MACROD2: variants seen among roughly 807,000 people sequenced by gnomAD.
MACROD2 encodes ADP-ribose glycohydrolase MACROD2.
MACROD2 carries 36 observed loss-of-function variants against 70.4 expected under a neutral mutation model. The ratio of observed to expected loss-of-function variants is 0.51; its 90% confidence interval spans 0.39 to 0.68. The LOEUF (loss-of-function observed/expected upper bound fraction) is 0.68. MACROD2 is among the 30% of genes least tolerant of loss of function. The pLI is 0.00. For synonymous variants in MACROD2, 172 were observed against 178.8 expected (o/e 0.96, Z 0.30); for missense variants, 496 against 538.4 (o/e 0.92, Z 0.78).
chr20:14,080,424 CAG>C (rs1202458908), intron 2 of MACROD2, among the ~76,000 whole-genome samples: 1 of 93,562 alleles, frequency 1.1e-5, no homozygotes, highest in African/African-American at 4.4e-5. Context: ...GCCTGGGCAA[CAG>C]AGTGAAACCC....
At position 15,863,803 on chromosome 20, in the gene MACROD2, T is replaced by C. The variant is rs527563435; in HGVS notation, c.727+977T>C. ...GCCTTGCCTGTAGATCAGAGTAGGATGTGTTCTATCCAGAACAGCTGTAGA... is the reference window on the plus strand; with the variant it reads ...GCCTTGCCTGTAGATCAGAGTAGGACGTGTTCTATCCAGAACAGCTGTAGA... On this transcript the variant is annotated intron_variant, in intron 9 of 17. Coordinates refer to ENST00000684519, the MANE Select transcript of MACROD2 (RefSeq NM_001351661.2). 9.0e-4 allele frequency among the ~76,000 whole-genome samples: 137 copies of C among 152,310 alleles called. 1 individual carries two copies. Among genetic ancestry groups the C allele is most frequent in the African/African-American group, 3.2e-3 (131 of 41,564 alleles).
chr20:14,972,432 G>C (rs912439203), intron 5 of MACROD2, among the ~76,000 whole-genome samples: 1 of 152,048 alleles, frequency 6.6e-6, no homozygotes. Context: ...ATAGGGTTGG[G>C]TCTGTCTGTG....
chr20:15,925,286 T>G (rs1041011058), intron 10 of MACROD2, among the ~76,000 whole-genome samples: 1 of 152,220 alleles, frequency 6.6e-6, no homozygotes, highest in Non-Finnish European at 1.5e-5. Flanking sequence ...TGAATATATT[T>G]CTTATTATTG....
chr20:15,462,433 C>T (rs928152307), intron 7 of MACROD2, among the ~76,000 whole-genome samples: 3 of 152,002 alleles, frequency 2.0e-5, no homozygotes, highest in African/African-American at 4.8e-5. Flanking sequence ...TTGCAAATAA[C>T]GTGTAATTAA....
intron 6 of MACROD2, among the ~76,000 whole-genome samples, chr20:15,296,410 A>G (rs140365910): frequency 7.1e-4 from 108 of 152,348 alleles, no homozygotes; most frequent in African/African-American, 2.3e-3. Context: ...TTTGATGACT[A>G]CAAGGGTATT....
rs187632034 is a variant in MACROD2 at position 14,221,141 on chromosome 20, A to G, written c.271+135413A>G. Among the ~76,000 whole-genome samples the G allele has an allele frequency of 1.1e-4, 16 of 152,352 alleles. No individual in the cohort carries two copies. In the East Asian group the frequency reaches 3.1e-3, roughly 29 times the overall value. On this transcript the variant is annotated intron_variant, in intron 3 of 17. Transcript: ENST00000684519. Reference sequence around the variant, plus strand: ...TTAGGATATATTTTGTTTAGCTGCCAAGCCACAACAGTAACTTCTTTATTC... The same window carrying G: ...TTAGGATATATTTTGTTTAGCTGCCGAGCCACAACAGTAACTTCTTTATTC...
intron 5 of MACROD2, among the ~76,000 whole-genome samples, chr20:15,019,653 G>A (rs931519328): frequency 6.6e-6 from 1 of 152,004 alleles, no homozygotes; most frequent in African/African-American, 2.4e-5. Flanking sequence ...GTGTCTTCTA[G>A]AACGTAATGA....
chr20:15,691,970 C>T (rs970806867), intron 8 of MACROD2, among the ~76,000 whole-genome samples: 1 of 152,268 alleles, frequency 6.6e-6, no homozygotes, highest in South Asian at 2.1e-4. Context: ...TACCGGACCT[C>T]GGTTCTTAGA....
rs751145809 is a variant in MACROD2 at position 14,087,193 on chromosome 20, G to A, written c.271+1465G>A. ...GTAGATCACTTGAAGGTAGGAATTCGAGACCAGCCTGGCCAACATGGTGAA... is the reference window on the plus strand; with the variant it reads ...GTAGATCACTTGAAGGTAGGAATTCAAGACCAGCCTGGCCAACATGGTGAA... On this transcript the variant is annotated intron_variant, in intron 3 of 17. Transcript: ENST00000684519. Among the ~76,000 whole-genome samples the A allele has an allele frequency of 3.9e-5, 6 of 152,056 alleles. No homozygotes were observed. In the South Asian group the frequency reaches 6.2e-4, roughly 16 times the overall value.
In MACROD2 at chr20:14,338,226, A is replaced by C. The variant is rs892583707; in HGVS notation, c.272-155253A>C. 2.6e-5 allele frequency among the ~76,000 whole-genome samples: 4 copies of C among 152,182 alleles called. No homozygotes were observed. In the East Asian group the frequency reaches 7.7e-4, roughly 29 times the overall value. On this transcript the variant is annotated intron_variant, in intron 3 of 17. Transcript: ENST00000684519. ...AGACCAGCCTGACCAACATGTAGAA[A>C]AAATTAGCTGGGCGCCCGTAATCCC...
chr20:14,155,816 C>A (rs114799947), intron 3 of MACROD2, among the ~76,000 whole-genome samples: 3,552 of 152,180 alleles, frequency 0.023, 41 homozygotes, highest in African/African-American at 0.029. Context: ...AGTTATCTAT[C>A]ATTTTGTTAT....
Position 15,184,970 on chromosome 20 carries a change from T to C in MACROD2, c.419-44970T>C, listed in dbSNP as rs373590988. 2.4e-4 allele frequency among the ~76,000 whole-genome samples: 36 copies of C among 152,308 alleles called. 1 individual carries two copies. In the South Asian group the frequency reaches 6.8e-3, roughly 29 times the overall value. ...AGGGAGGCAGGCATTCAAACAACTC[T>C]ATGATAATATGATGGGAGCTTTAAT... is the stretch of plus-strand genomic sequence containing the variant. On this transcript the variant is annotated intron_variant, in intron 5 of 17. Transcript: ENST00000684519.
intron 15 of MACROD2, among the ~76,000 whole-genome samples, chr20:16,039,551 T>C (rs901351356): frequency 2.8e-4 from 42 of 152,078 alleles, no homozygotes; most frequent in African/African-American, 1.0e-3. Flanking sequence ...AAAAGTTTAT[T>C]ATGTTTATAA....
rs529975212 is a variant in MACROD2 at position 14,487,789 on chromosome 20, G to T, written c.272-5690G>T. Among the ~76,000 whole-genome samples the T allele has an allele frequency of 3.3e-5, 5 of 152,210 alleles. No homozygotes were observed. In the South Asian group the frequency reaches 1.0e-3, roughly 32 times the overall value. The stretch of plus-strand genomic sequence containing the variant: ...TAGCCCCAAGTCCTTTTCATTTGAG[G>T]TCATTTGCATCTCAGTCTTCCTATA... On this transcript the variant is annotated intron_variant, in intron 3 of 17. Transcript: ENST00000684519.
At chr20:15,022,476 GA>G (rs1037442503) in intron 5 of MACROD2, among the ~76,000 whole-genome samples, 32 of 152,122 alleles carry the variant, frequency 2.1e-4, no homozygotes, top group African/African-American at 7.7e-4. Flanking sequence ...AATTTTACTT[GA>G]AAGGGACTAT....
chr20:14,330,042 GA>G (rs941715446), intron 3 of MACROD2, among the ~76,000 whole-genome samples: 6 of 150,408 alleles, frequency 4.0e-5, no homozygotes, highest in Non-Finnish European at 7.4e-5. Flanking sequence ...TACTGAGTTT[GA>G]AAAAAAAATT....
intron 15 of MACROD2, among the ~76,000 whole-genome samples, chr20:16,034,759 C>T (rs993146941): frequency 4.0e-5 from 6 of 151,706 alleles, no homozygotes; most frequent in African/African-American, 1.5e-4. Flanking sequence ...GTGCACCCAT[C>T]ACCTGAGCAG....
chr20:15,818,246 G>A (rs1187483534), intron 8 of MACROD2, among the ~76,000 whole-genome samples: 2 of 152,208 alleles, frequency 1.3e-5, no homozygotes, highest in South Asian at 2.1e-4. Flanking sequence ...TACTCCATCA[G>A]CAGAGCAGTG....
At chr20:15,856,414 T>C (rs1464864518) in intron 8 of MACROD2, among the ~76,000 whole-genome samples, 1 of 152,222 alleles carries the variant, frequency 6.6e-6, no homozygotes, top group Non-Finnish European at 1.5e-5. Flanking sequence ...TTTTTCTTTT[T>C]TATAGAGTGC....
Sources: allele counts gnomAD v4.1 joint callset (sites outside exome capture counted in the v4.1 genomes callset), GRCh38; gene constraint gnomAD v4.1.1; transcripts MANE v1.5; gene names NCBI Gene and HGNC (gene_info 2026-07-23, HGNC 2026-07-21).